Variants in ACTR3 observed in about 807,000 individuals in gnomAD.
ACTR3 encodes the protein actin related protein 3.
Under a neutral mutation model 56.8 loss-of-function variants are expected in ACTR3, and 12 were observed. The observed-to-expected ratio is 0.21, with a 90% CI of 0.14 to 0.34. The LOEUF (loss-of-function observed/expected upper bound fraction) is 0.34, where lower values mean the gene tolerates loss of function less well. Ranked by LOEUF, ACTR3 falls within the 10% of genes least tolerant of loss-of-function variation. ACTR3 has a pLI of 1.00. For missense variants in ACTR3, 282 were observed against 512.5 expected, an observed-to-expected ratio of 0.55 and a Z score of 4.34; for synonymous variants, 162 against 167.4, an observed-to-expected ratio of 0.97 and a Z score of 0.25.
Position 113,942,113 on chromosome 2 carries a change from T to G in ACTR3, c.685-73T>G, listed in dbSNP as rs762054823. ...TTTTTTTTATTGGATTATAGTTTAC[T>G]GAAAACATGCCATTCTTCTTTACTG... On this transcript the variant is annotated intron_variant, in intron 7 of 11. Coordinates refer to ENST00000263238, the MANE Select transcript of ACTR3 (RefSeq NM_005721.5). 126 of 1,207,618 alleles carry G rather than the reference T, an allele frequency of 1.0e-4. 1 individual carries two copies. Among genetic ancestry groups the G allele is most frequent in the Non-Finnish European group, 1.3e-4 (113 of 887,164 alleles). 74.8% of individuals were successfully genotyped at this position (1,207,618 alleles called of 1,614,324 possible). A position where few individuals can be genotyped will look rare whatever the true frequency, so the allele number is the denominator to read the frequency against.
intron 1 of ACTR3, among the ~76,000 whole-genome samples, chr2:113,908,596 T>C (rs1679247087): frequency 6.6e-6 from 1 of 152,022 alleles, no homozygotes; most frequent in Admixed American, 6.5e-5. Flanking sequence ...TTAAAAAGTA[T>C]TTTTTTAGTC....
At chr2:113,922,738 C>G (rs1397910458) in intron 3 of ACTR3, among the ~76,000 whole-genome samples, 2 of 151,986 alleles carry the variant, frequency 1.3e-5, no homozygotes, top group Non-Finnish European at 2.9e-5. Flanking sequence ...TTTTGGTAGA[C>G]AGGATGAAAA....
At chr2:113,925,573 A>G (rs1316785080) in intron 3 of ACTR3, among the ~76,000 whole-genome samples, 1 of 152,164 alleles carries the variant, frequency 6.6e-6, no homozygotes, top group East Asian at 1.9e-4. Context: ...AGTTTTTTGT[A>G]TGCTGGATGT....
At chr2:113,952,472 C>G (rs1370178251) in intron 10 of ACTR3, 4 of 151,884 alleles carry the variant, frequency 2.6e-5, no homozygotes, top group Admixed American at 1.3e-4. Context: ...AATGATATGG[C>G]TTTTTTCAAA....
At chr2:113,925,140 A>C (rs1246958205) in intron 3 of ACTR3, among the ~76,000 whole-genome samples, 1 of 139,600 alleles carries the variant, frequency 7.2e-6, no homozygotes, top group African/African-American at 2.7e-5. Context: ...CAAATGATCC[A>C]CCCACCTCAA....
chr2:113,953,887 C>G (rs1029519982), intron 10 of ACTR3: 1 of 152,158 alleles, frequency 6.6e-6, no homozygotes, highest in Non-Finnish European at 1.5e-5. Context: ...AAACAAAATA[C>G]CTTCTTCCCC....
At chr2:113,934,064 A>G (rs1166202811) in intron 5 of ACTR3, 7 of 492,668 alleles carry the variant, frequency 1.4e-5, no homozygotes, top group Non-Finnish European at 2.1e-5. Context: ...CCTAAAAGCA[A>G]ATGTAAACCT....
At chr2:113,912,782 G>C (rs1292331616) in intron 1 of ACTR3, among the ~76,000 whole-genome samples, 2 of 152,114 alleles carry the variant, frequency 1.3e-5, no homozygotes, top group Non-Finnish European at 2.9e-5. Flanking sequence ...ACTATACTAA[G>C]AGCTTCCTCA....
intron 4 of ACTR3, among the ~76,000 whole-genome samples, chr2:113,929,829 C>T (rs1385708024): frequency 6.6e-6 from 1 of 152,148 alleles, no homozygotes; most frequent in East Asian, 1.9e-4. Flanking sequence ...CAGGCATGCA[C>T]CACCACACCT....
At chr2:113,949,970 G>A (rs6750503) in intron 8 of ACTR3, among the ~76,000 whole-genome samples, 26,668 of 152,050 alleles carry the variant, frequency 0.18, 4,190 homozygotes, top group African/African-American at 0.4. Flanking sequence ...GTATATCATC[G>A]TTTGAATATA....
intron 8 of ACTR3, among the ~76,000 whole-genome samples, chr2:113,947,633 A>T (rs7576537): frequency 0.46 from 70,525 of 152,138 alleles, 20,351 homozygotes; most frequent in Middle Eastern, 0.66. Flanking sequence ...CAGTGTGAGC[A>T]ACAGAGCAAG....
At chr2:113,945,766 CTA>C (rs1680010000) in intron 8 of ACTR3, among the ~76,000 whole-genome samples, 1 of 152,032 alleles carries the variant, frequency 6.6e-6, no homozygotes, top group Admixed American at 6.5e-5. Context: ...TATCCGTTAG[CTA>C]TGTTTCCTGA....
chr2:113,954,410 T>G (rs928656280), intron 10 of ACTR3: 1 of 152,146 alleles, frequency 6.6e-6, no homozygotes, highest in African/African-American at 2.4e-5. Context: ...TCCTTCTATG[T>G]TTTTAAGACT....
In ACTR3 at chr2:113,941,927, A is replaced by C. The variant is rs906749924; in HGVS notation, c.685-259A>C. ...AACATTTTCAGGAAATAACATTGAA[A>C]TAGTAGAAGTCAGCTCTCCAGTCTC... On this transcript the variant is annotated intron_variant, in intron 7 of 11. Coordinates refer to ENST00000263238, the MANE Select transcript of ACTR3 (RefSeq NM_005721.5). Among the ~76,000 whole-genome samples the C allele has an allele frequency of 2.0e-5, 3 of 152,198 alleles. No individual in the cohort carries two copies. In the South Asian group the frequency reaches 6.2e-4, roughly 31 times the overall value.
chr2:113,923,596 A>T (rs1263182734), intron 3 of ACTR3, among the ~76,000 whole-genome samples: 1 of 151,998 alleles, frequency 6.6e-6, no homozygotes, highest in Non-Finnish European at 1.5e-5. Flanking sequence ...CGGCCTCCCA[A>T]AGTGCTGGGA....
intron 1 of ACTR3, among the ~76,000 whole-genome samples, chr2:113,906,578 T>C (rs921786478): frequency 3.9e-5 from 6 of 152,196 alleles, no homozygotes; most frequent in East Asian, 1.9e-4. Flanking sequence ...ATGTTTTTTT[T>C]CTAAGAGTTC....
intron 3 of ACTR3, among the ~76,000 whole-genome samples, chr2:113,923,275 C>A (rs1169083807): frequency 6.6e-6 from 1 of 152,066 alleles, no homozygotes; most frequent in Non-Finnish European, 1.5e-5. Context: ...ATTTGTCTTT[C>A]TTTTGCAGGA....
intron 3 of ACTR3, among the ~76,000 whole-genome samples, chr2:113,919,755 T>C (rs1312256050): frequency 7.9e-6 from 1 of 126,936 alleles, no homozygotes; most frequent in Non-Finnish European, 1.5e-5. Flanking sequence ...TATTTTATTT[T>C]ATTTTTAAGA....
In ACTR3 at chr2:113,951,815, A is replaced by G. The variant is rs1559491620; in HGVS notation, c.1047A>G (p.Leu349=). ...GAACTGTAGATGCCCGGCTGAAATT[A>G]AGTGAGGAATTGAGTGGTGGTAGAT... The part of the protein sequence containing the change: ...LKRTVDARLK[L]SEELSGGRLK... The change falls in exon 10 of 12, where the codon TTA becomes TTG. Residue 349 remains leucine (L), a synonymous_variant. Coordinates refer to ENST00000263238, the MANE Select transcript of ACTR3 (RefSeq NM_005721.5). The G allele has an allele frequency of 6.2e-7, 1 of 1,613,554 alleles. No homozygotes were observed. The highest frequency in any genetic ancestry group is 1.7e-5 in the Admixed American group (1 of 60,024).
Sources: allele counts gnomAD v4.1 joint callset (sites outside exome capture counted in the v4.1 genomes callset), GRCh38; gene constraint gnomAD v4.1.1; transcripts MANE v1.5; gene names NCBI Gene and HGNC (gene_info 2026-07-23, HGNC 2026-07-21).